Variants in CTNND2 observed in about 807,000 individuals in gnomAD.
The protein encoded by CTNND2 is catenin delta 2.
In CTNND2, 22 loss-of-function variants were observed where a neutral mutation model predicts 144.4. The ratio of observed to expected loss-of-function variants is 0.15; its 90% CI spans 0.11 to 0.22. The LOEUF (loss-of-function observed/expected upper bound fraction) is 0.22. Among genes scored for constraint, CTNND2 ranks in the 10% least tolerant of loss-of-function variants. The pLI is 1.00. For missense variants in CTNND2, 1,353 were observed against 1,618.8 expected, an observed-to-expected ratio of 0.84 and a Z score of 2.82; for synonymous variants, 751 against 695.6, an observed-to-expected ratio of 1.08 and a Z score of -1.25.
At chr5:11,189,560 T>C (rs1736031583) in intron 11 of CTNND2, among the ~76,000 whole-genome samples, 1 of 152,210 alleles carries the variant, frequency 6.6e-6, no homozygotes, top group African/African-American at 2.4e-5. Context: ...TTAATAACAT[T>C]TTATTTTCTC....
At chr5:11,825,220 G>A (rs4317320) in intron 1 of CTNND2, among the ~76,000 whole-genome samples, 26,418 of 151,874 alleles carry the variant, frequency 0.17, 5,451 homozygotes, top group African/African-American at 0.5. Flanking sequence ...GAAGAGGTGG[G>A]AACACGCACA....
chr5:11,545,314 T>C (rs938836539), intron 3 of CTNND2, among the ~76,000 whole-genome samples: 11 of 151,704 alleles, frequency 7.3e-5, no homozygotes, highest in African/African-American at 2.4e-4. Flanking sequence ...AGTGAGACTC[T>C]ATCTCAATCA....
At position 11,397,086 on chromosome 5, in the gene CTNND2, G is replaced by A; in HGVS notation, c.557C>T (p.Ser186Leu). 5 of 1,614,114 alleles carry A rather than the reference G, an allele frequency of 3.1e-6. No individual in the cohort carries two copies. In the South Asian group the frequency reaches 3.3e-5, roughly 11 times the overall value. ...QTLALGETTP[S>L]QLPARGTQAR... ...TTGTGTGCCTCGGGCCGGGAGCTGT[G>A]AAGGGGTGGTTTCCCCCAGGGCCAG... Residue 186 changes from serine to leucine, a missense_variant, in exon 6 of 22, where the codon TCA becomes TTA. This residue lies in a region of CTNND2 where 708 missense variants were observed against 706.4 expected (regional missense o/e 1.00). Transcript: ENST00000304623.
At chr5:11,526,333 AAACTT>A (rs1773244134) in intron 3 of CTNND2, among the ~76,000 whole-genome samples, 1 of 152,240 alleles carries the variant, frequency 6.6e-6, no homozygotes, top group Non-Finnish European at 1.5e-5. Flanking sequence ...GCCGCCATAC[AAACTT>A]AACTCTTGTT....
intron 16 of CTNND2, among the ~76,000 whole-genome samples, chr5:11,080,803 C>T (rs539151031): frequency 2.6e-5 from 4 of 152,204 alleles, no homozygotes; most frequent in African/African-American, 7.2e-5. Context: ...GGCTGGGTGC[C>T]GATGGCTCAT....
chr5:11,495,528 G>C (rs1323534633), intron 3 of CTNND2, among the ~76,000 whole-genome samples: 1 of 152,168 alleles, frequency 6.6e-6, no homozygotes, highest in East Asian at 1.9e-4. Flanking sequence ...TCCAGTTTTT[G>C]TACTGGCGTC....
intron 16 of CTNND2, among the ~76,000 whole-genome samples, chr5:11,034,852 T>A (rs1249298067): frequency 7.2e-5 from 11 of 152,064 alleles, no homozygotes; most frequent in Non-Finnish European, 1.2e-4. Flanking sequence ...GGTCTGTTGA[T>A]CTTTTTTTTG....
intron 13 of CTNND2, among the ~76,000 whole-genome samples, chr5:11,114,911 T>C (rs2149690755): frequency 6.6e-6 from 1 of 152,262 alleles, no homozygotes; most frequent in South Asian, 2.1e-4. Context: ...TAAAACCCAA[T>C]AGCACAATCC....
At chr5:11,444,391 G>T (rs1356684721) in intron 3 of CTNND2, among the ~76,000 whole-genome samples, 1 of 152,142 alleles carries the variant, frequency 6.6e-6, no homozygotes, top group Non-Finnish European at 1.5e-5. Flanking sequence ...CATAGAGAAA[G>T]AAATTCTCTA....
intron 1 of CTNND2, among the ~76,000 whole-genome samples, chr5:11,753,251 C>G (rs192875478): frequency 6.6e-6 from 1 of 151,926 alleles, no homozygotes; most frequent in African/African-American, 2.4e-5. Flanking sequence ...TTGTCTTGTT[C>G]CAGTTCTCAA....
chr5:11,312,434 G>GTGA (rs1485422624), intron 9 of CTNND2, among the ~76,000 whole-genome samples: 1 of 152,046 alleles, frequency 6.6e-6, no homozygotes, highest in Non-Finnish European at 1.5e-5. Context: ...TTCTTACATG[G>GTGA]CAGCGGCAAG....
chr5:11,159,663 G>A lies in CTNND2; in HGVS notation c.2072C>T (p.Ser691Leu). The change falls in exon 12 of 22, where the codon TCA becomes TTA. Residue 691 changes from serine (S) to leucine (L), a missense_variant. Around this residue, in one of 4 missense-constraint regions of CTNND2, gnomAD observed 117 missense variants for 117.8 expected, o/e 0.99. Transcript: ENST00000304623. ...CTGAAGAGGCGAATTTTCCCAGCCT[G>A]AGTGGGGGATAATCACCGCGTTGGT... ...VLTNAVIIPHSGWENSPLQDD... is the reference protein window; with the variant it reads ...VLTNAVIIPHLGWENSPLQDD... 6.2e-7 allele frequency: 1 copy of A among 1,613,728 alleles called. No homozygotes were observed. Among genetic ancestry groups the A allele is most frequent in the Non-Finnish European group, 8.5e-7 (1 of 1,179,818 alleles).
chr5:11,298,294 C>T (rs1461106814), intron 9 of CTNND2, among the ~76,000 whole-genome samples: 1 of 152,180 alleles, frequency 6.6e-6, no homozygotes, highest in Non-Finnish European at 1.5e-5. Context: ...CCTCAGCCCC[C>T]TGAGTAACTG....
chr5:11,425,005 C>A (rs116131384), intron 3 of CTNND2, among the ~76,000 whole-genome samples: 2 of 152,162 alleles, frequency 1.3e-5, no homozygotes, highest in Non-Finnish European at 1.5e-5. Context: ...AATCATACTG[C>A]CCATTGCCAA....
chr5:11,821,014 C>T (rs1561833186), intron 1 of CTNND2, among the ~76,000 whole-genome samples: 2 of 152,196 alleles, frequency 1.3e-5, no homozygotes, highest in South Asian at 2.1e-4. Context: ...TGATGTCTTG[C>T]ACATATTATG....
At chr5:11,271,361 A>T (rs1364121975) in intron 9 of CTNND2, among the ~76,000 whole-genome samples, 1 of 152,260 alleles carries the variant, frequency 6.6e-6, no homozygotes, top group African/African-American at 2.4e-5. Context: ...AAAGTATTGC[A>T]TATACAATAT....
intron 16 of CTNND2, among the ~76,000 whole-genome samples, chr5:11,039,834 G>A (rs1744497092): frequency 6.6e-6 from 1 of 152,108 alleles, no homozygotes; most frequent in African/African-American, 2.4e-5. Flanking sequence ...GGCCGAGGCT[G>A]GTAGATTGCA....
intron 3 of CTNND2, among the ~76,000 whole-genome samples, chr5:11,418,269 G>A (rs2149847177): frequency 6.6e-6 from 1 of 152,224 alleles, no homozygotes; most frequent in South Asian, 2.1e-4. Flanking sequence ...AGCTGGGCGT[G>A]GTGGCGCATG....
intron 14 of CTNND2, among the ~76,000 whole-genome samples, chr5:11,102,766 C>T (rs1752023234): frequency 6.6e-6 from 1 of 152,012 alleles, no homozygotes; most frequent in Non-Finnish European, 1.5e-5. Context: ...GAAATTTAGA[C>T]ATGATGCTTT....
Sources: allele counts gnomAD v4.1 joint callset (sites outside exome capture counted in the v4.1 genomes callset), GRCh38; gene constraint gnomAD v4.1.1; regional missense constraint gnomAD v4.1.1; transcripts MANE v1.5; gene names NCBI Gene and HGNC (gene_info 2026-07-23, HGNC 2026-07-21).